RELN: variants seen among roughly 807,000 people sequenced by gnomAD.
RELN encodes reelin.
RELN carries 108 observed loss-of-function variants against 427.6 expected under a neutral mutation model. The ratio of observed to expected loss-of-function variants is 0.25; its 90% CI spans 0.22 to 0.30. The LOEUF (loss-of-function observed/expected upper bound fraction) is 0.30. RELN is among the 10% of genes least tolerant of loss of function. The pLI is 1.00. For synonymous variants in RELN, 1,524 were observed against 1,513.4 expected, an observed-to-expected ratio of 1.01 and a Z score of -0.16; for missense variants, 3,715 against 4,302.8, an observed-to-expected ratio of 0.86 and a Z score of 3.82.
intron 31 of RELN, among the ~76,000 whole-genome samples, chr7:103,568,982 C>A (rs1361503039): frequency 6.6e-6 from 1 of 152,192 alleles, no homozygotes; most frequent in Non-Finnish European, 1.5e-5. Context: ...CTTTGACACT[C>A]TTCCGTTCAA....
intron 46 of RELN, among the ~76,000 whole-genome samples, chr7:103,527,989 C>CA (rs1181334401): frequency 6.6e-6 from 1 of 152,134 alleles, no homozygotes; most frequent in Non-Finnish European, 1.5e-5. Context: ...TAAAAGAGTA[C>CA]AGCTGTTGTG....
At chr7:103,839,391 A>C (rs1793497245) in intron 2 of RELN, among the ~76,000 whole-genome samples, 1 of 150,654 alleles carries the variant, frequency 6.6e-6, no homozygotes, top group Admixed American at 6.7e-5. Flanking sequence ...ACATGTAAAC[A>C]TCATCTAGAG....
intron 1 of RELN, among the ~76,000 whole-genome samples, chr7:103,966,962 C>T (rs1414105311): frequency 6.6e-6 from 1 of 152,170 alleles, no homozygotes; most frequent in Non-Finnish European, 1.5e-5. Context: ...TCTGTTCCAC[C>T]CCTACACCTA....
intron 2 of RELN, among the ~76,000 whole-genome samples, chr7:103,897,711 G>T (rs562287857): frequency 5.3e-5 from 8 of 152,132 alleles, no homozygotes; most frequent in Admixed American, 4.6e-4. Context: ...TCTGCACACA[G>T]ACTCCTTCAC....
chr7:103,552,650 G>A (rs967749098), intron 40 of RELN, among the ~76,000 whole-genome samples: 5 of 151,720 alleles, frequency 3.3e-5, no homozygotes, highest in East Asian at 3.9e-4. Flanking sequence ...TTACAGGTGC[G>A]CACCACCATG....
intron 20 of RELN, among the ~76,000 whole-genome samples, chr7:103,625,395 T>C (rs1832307613): frequency 6.6e-6 from 1 of 152,228 alleles, no homozygotes; most frequent in Non-Finnish European, 1.5e-5. Flanking sequence ...AGCTTTTATT[T>C]AACATTTCTT....
At chr7:103,731,524 C>A (rs1190506088) in intron 6 of RELN, among the ~76,000 whole-genome samples, 1 of 152,052 alleles carries the variant, frequency 6.6e-6, no homozygotes, top group Non-Finnish European at 1.5e-5. Context: ...GATGCTAGAA[C>A]TGAGATTTAG....
chr7:103,537,812 A>G (rs1830088286), intron 45 of RELN, among the ~76,000 whole-genome samples: 1 of 152,108 alleles, frequency 6.6e-6, no homozygotes, highest in Admixed American at 6.6e-5. Flanking sequence ...CTTACAGCCT[A>G]GTTTGGGGGC....
chr7:103,603,837 ATGTC>A lies in RELN; in HGVS notation c.3147-351_3147-348del, dbSNP rs960821952. On this transcript the variant is annotated intron_variant, in intron 23 of 64. Transcript: ENST00000428762. The surrounding 1 kb of genome is among the most constrained non-coding windows in gnomAD (Gnocchi z 4.3). Reference sequence around the variant, plus strand: ...TATTGCCTTAAAAAATCACATATAAATGTCTGTCTGCTCAACCAACATATAATTC... The same window carrying A: ...TATTGCCTTAAAAAATCACATATAAATGTCTGCTCAACCAACATATAATTC... Among the ~76,000 whole-genome samples, 31 of 152,256 alleles carry A rather than the reference ATGTC, an allele frequency of 2.0e-4. No individual in the cohort carries two copies. The highest frequency in any genetic ancestry group is 7.0e-4 in the African/African-American group (29 of 41,554).
At chr7:103,672,132 A>C (rs1368585503) in intron 11 of RELN, among the ~76,000 whole-genome samples, 1 of 152,178 alleles carries the variant, frequency 6.6e-6, no homozygotes, top group African/African-American at 2.4e-5. Context: ...GCCTATTTTT[A>C]ATAAAAGTAT....
chr7:103,947,065 G>C (rs975586816), intron 1 of RELN, among the ~76,000 whole-genome samples: 2 of 152,120 alleles, frequency 1.3e-5, no homozygotes, highest in Admixed American at 1.3e-4. Context: ...CCCATTCCGA[G>C]TCCTCTCAGC....
chr7:103,764,269 C>T (rs1359003475), intron 4 of RELN, among the ~76,000 whole-genome samples: 1 of 152,166 alleles, frequency 6.6e-6, no homozygotes, highest in East Asian at 1.9e-4. Context: ...CTTCTGGGCA[C>T]AAAATATTGT....
chr7:103,593,590 G>T, intron 27 of RELN, 92 bp downstream of exon 27: 1 of 1,120,094 alleles, frequency 8.9e-7, no homozygotes, highest in Admixed American at 1.7e-5. Flanking sequence ...AATAGAATAT[G>T]AAAAATTTGT....
chr7:103,963,513 C>A (rs369720634), intron 1 of RELN, among the ~76,000 whole-genome samples: 24 of 152,094 alleles, frequency 1.6e-4, no homozygotes, highest in Admixed American at 1.4e-3. Context: ...GGATTTCAAC[C>A]ATCCCTGGGC....
chr7:103,743,791 T>C (rs1003172447), intron 6 of RELN, among the ~76,000 whole-genome samples: 12 of 152,174 alleles, frequency 7.9e-5, no homozygotes, highest in African/African-American at 2.4e-4. Context: ...CAAAGAGACT[T>C]AGACTCCCAC....
intron 10 of RELN, among the ~76,000 whole-genome samples, chr7:103,686,949 G>A (rs2115722845): frequency 1.3e-5 from 2 of 152,262 alleles, no homozygotes; most frequent in Middle Eastern, 6.8e-3. Flanking sequence ...TACAGTCCAG[G>A]TGCAGGAGGG....
At chr7:103,983,782 T>G (rs1211287778) in intron 1 of RELN, among the ~76,000 whole-genome samples, 1 of 152,136 alleles carries the variant, frequency 6.6e-6, no homozygotes, top group Non-Finnish European at 1.5e-5. Context: ...TCCAACCTAA[T>G]GCACTCCACC....
chr7:103,849,087 G>C (rs1793751630), intron 2 of RELN, among the ~76,000 whole-genome samples: 1 of 152,126 alleles, frequency 6.6e-6, no homozygotes, highest in Non-Finnish European at 1.5e-5. Flanking sequence ...CCAGATGATG[G>C]CATTATGGAC....
intron 1 of RELN, among the ~76,000 whole-genome samples, chr7:103,962,646 TTGTG>T (rs57782980): frequency 0.29 from 43,304 of 149,714 alleles, 7,344 homozygotes; most frequent in Non-Finnish European, 0.39. Flanking sequence ...TCCAAAGTTG[TTGTG>T]TGTGTGTGTG....
Sources: gnomAD v4.1 joint callset for allele counts (sites outside exome capture counted in the v4.1 genomes callset) on GRCh38, gnomAD v4.1.1 for gene constraint, Gnocchi (gnomAD v3.1) non-coding constraint, MANE v1.5 for transcripts, NCBI Gene and HGNC (gene_info 2026-07-23, HGNC 2026-07-21) for gene names.